Variants in ATP5PF observed in about 807,000 individuals in gnomAD.
ATP5PF encodes ATP synthase peripheral stalk subunit F6, mitochondrial.
A neutral mutation model predicts 12.0 loss-of-function variants in ATP5PF; 7 were observed. The observed-to-expected ratio is 0.58, with a 90% confidence interval of 0.33 to 1.10. The LOEUF (loss-of-function observed/expected upper bound fraction) is 1.10, where lower values mean the gene tolerates loss of function less well. Ranked by LOEUF, ATP5PF falls within the 50% of genes least tolerant of loss-of-function variation. The probability of loss-of-function intolerance (pLI) is 0.03; values close to 1 mark genes in which losing one functional copy is unlikely to be tolerated. For synonymous variants in ATP5PF, 41 were observed against 45.4 expected (o/e 0.90, Z 0.39); for missense variants, 120 against 127.7 (o/e 0.94, Z 0.29).
Position 25,734,868 on chromosome 21 carries a change from G to A in ATP5PF, c.-23C>T, listed in dbSNP as rs962643449. The stretch of plus-strand genomic sequence containing the variant: ...TCCCAGTCACCTTGCACTCAGTCCC[G>A]AGCTGCCAAAGCCTCCGCCGCCACC... On this transcript the variant is annotated 5_prime_UTR_variant, in exon 1 of 4. Coordinates refer to ENST00000284971, the MANE Select transcript of ATP5PF (RefSeq NM_001003703.2). 10 of 1,544,326 alleles carry A rather than the reference G, an allele frequency of 6.5e-6. 1 individual carries two copies. Among genetic ancestry groups the A allele is most frequent in the South Asian group, 3.6e-5 (3 of 84,156 alleles).
intron 1 of ATP5PF, among the ~76,000 whole-genome samples, chr21:25,730,073 C>G (rs1364981416): frequency 6.6e-6 from 1 of 152,152 alleles, no homozygotes; most frequent in Non-Finnish European, 1.5e-5. Flanking sequence ...GGTATTTCTT[C>G]CCCCTTGAAC....
chr21:25,726,822 T>C (rs951141683), intron 2 of ATP5PF, among the ~76,000 whole-genome samples: 1 of 152,160 alleles, frequency 6.6e-6, no homozygotes, highest in African/African-American at 2.4e-5. Context: ...CACATGAAAA[T>C]TCCTTCAAGG....
intron 1 of ATP5PF, among the ~76,000 whole-genome samples, chr21:25,730,728 C>T (rs2034741418): frequency 2.0e-5 from 1 of 50,204 alleles, no homozygotes; most frequent in African/African-American, 6.5e-5. Context: ...GAGCAAGACT[C>T]CGTCTCACAA....
intron 3 of ATP5PF, chr21:25,724,909 A>G: frequency 3.4e-6 from 2 of 588,352 alleles, no homozygotes; most frequent in East Asian, 3.1e-5. Flanking sequence ...AGAAGATACT[A>G]TAATTCTCCC....
rs2034565771 is a variant in ATP5PF, at chr21:25,724,527, C to G, written c.*113G>C. On this transcript the variant is annotated 3_prime_UTR_variant, in exon 4 of 4. Transcript: ENST00000284971. ...AACATCACCAAATAATTTATTTGGACTCAGAATTAAAAGAACATTTGACAG... is the reference window on the plus strand; with the variant it reads ...AACATCACCAAATAATTTATTTGGAGTCAGAATTAAAAGAACATTTGACAG... 5.0e-6 allele frequency: 6 copies of G among 1,210,056 alleles called. No homozygotes were observed. In the East Asian group the frequency reaches 1.2e-4, roughly 25 times the overall value. 75.0% of individuals were successfully genotyped at this position (1,210,056 alleles called of 1,614,324 possible).
chr21:25,724,757 C>A lies in ATP5PF; in HGVS notation c.290-80G>T. 6 of 1,416,822 alleles carry A rather than the reference C, an allele frequency of 4.2e-6. No individual in the cohort carries two copies. The East Asian group carries it at 7.3e-5, about 17-fold the overall frequency. The allele number at this position is 1,416,822 out of a possible 1,614,324, so 87.8% of individuals were successfully genotyped here. A position where few individuals can be genotyped will look rare whatever the true frequency, so the allele number is the denominator to read the frequency against. On this transcript the variant is annotated intron_variant, in intron 3 of 3. Coordinates refer to ENST00000284971, the MANE Select transcript of ATP5PF (RefSeq NM_001003703.2). ...TATGTAGAATGCTCAAGATTTAACT[C>A]ATCAATTTTCTGATTTTTTTAGTAA... is the stretch of plus-strand genomic sequence containing the variant.
chr21:25,734,205 C>T lies in ATP5PF; in HGVS notation c.-8+648G>A, dbSNP rs17001333. On this transcript the variant is annotated intron_variant, in intron 1 of 3. Transcript: ENST00000284971. ...TTCTCTATTCCAGTACCATCGGGTG[C>T]CACGAGAGCATATGATAGCGTCTGA... The T allele has an allele frequency of 2.8e-3, 1,361 of 493,034 alleles. 20 individuals carry two copies. Among genetic ancestry groups the T allele is most frequent in the African/African-American group, 0.025 (1,181 of 47,572 alleles). 30.5% of individuals were successfully genotyped at this position (493,034 alleles called of 1,614,324 possible). A position where few individuals can be genotyped will look rare whatever the true frequency, so the allele number is the denominator to read the frequency against.
rs1393961964 is a variant in ATP5PF, at chr21:25,729,665, CAA to C, written c.128_129del (p.Phe43CysfsTer5). The C allele has an allele frequency of 6.2e-7, 1 of 1,613,214 alleles. No homozygotes were observed. The highest frequency in any genetic ancestry group is 1.3e-5 in the African/African-American group (1 of 74,886). ...NKELDPIQKL[F>X]VDKIREYKSK... is the part of the protein sequence containing the mutation. ...GATTTGTATTCTCTAATCTTGTCCA[CAA>C]AGAGTTTCTGTATAGGATCAAGTTC... is the stretch of plus-strand genomic sequence containing the variant. On this transcript the variant is annotated frameshift_variant, in exon 2 of 4. Coordinates refer to ENST00000284971, the MANE Select transcript of ATP5PF (RefSeq NM_001003703.2). LOFTEE classifies it high-confidence loss of function.
intron 1 of ATP5PF, among the ~76,000 whole-genome samples, chr21:25,730,981 ATGTG>A: frequency 5.3e-5 from 8 of 152,146 alleles, no homozygotes; most frequent in African/African-American, 1.9e-4. Context: ...ACGGTGGCTC[ATGTG>A]TGTAATCCCA....
intron 1 of ATP5PF, 143 bp downstream of exon 1, chr21:25,734,710 A>AC: frequency 1.2e-6 from 1 of 808,094 alleles, no homozygotes; most frequent in Non-Finnish European, 1.9e-6. Context: ...GTCAGCTGTG[A>AC]CCCCGGGCCA....
At chr21:25,725,500 C>T (rs2034595102) in intron 2 of ATP5PF, 150 bp from the exon 3 acceptor site, 1 of 875,852 alleles carries the variant, frequency 1.1e-6, no homozygotes, top group Non-Finnish European at 1.6e-6. Context: ...AGTGCGGTAG[C>T]ATGATCTTGG....
intron 1 of ATP5PF, among the ~76,000 whole-genome samples, chr21:25,731,026 G>C (rs1198452571): frequency 6.6e-6 from 1 of 152,102 alleles, no homozygotes; most frequent in Non-Finnish European, 1.5e-5. Context: ...TGGATCACTT[G>C]AGGTCAGAGG....
chr21:25,725,183 A>G (rs775350357), intron 3 of ATP5PF, 43 bp downstream of exon 3: 1 of 1,575,644 alleles, frequency 6.3e-7, no homozygotes, highest in East Asian at 2.2e-5. Flanking sequence ...AATATTCTTC[A>G]CTTATCCCCC....
intron 1 of ATP5PF, among the ~76,000 whole-genome samples, chr21:25,730,114 T>A (rs183733972): frequency 3.3e-5 from 5 of 152,206 alleles, no homozygotes; most frequent in African/African-American, 1.2e-4. Context: ...ACAGTAGAGG[T>A]AGACTGTTGC....
intron 2 of ATP5PF, 64 bp downstream of exon 2, chr21:25,729,567 T>C (rs1372880456): frequency 1.1e-5 from 16 of 1,420,276 alleles, no homozygotes; most frequent in Non-Finnish European, 1.5e-5. Flanking sequence ...TCATTTTTAT[T>C]ACCACCTTGA....
chr21:25,734,988 C>G (rs530041558), upstream of ATP5PF: 1 of 1,556,392 alleles, frequency 6.4e-7, no homozygotes, highest in South Asian at 1.2e-5. Context: ...TCGACGCTCA[C>G]CGGACAGGAA....
In ATP5PF at chr21:25,729,717, A is replaced by T. The variant is rs1266353232; in HGVS notation, c.78T>A (p.Gly26=). Residue 26 remains glycine, a synonymous_variant, in exon 2 of 4, where the codon GGT becomes GGA. Coordinates refer to ENST00000284971, the MANE Select transcript of ATP5PF (RefSeq NM_001003703.2). ...CCTTATTAAATGCCACTGCTGTAAC[A>T]CCAATGTTCCTCCGCAAATGGACTG... ...AVSVHLRRNI[G]VTAVAFNKEL... 2 of 1,613,802 alleles carry T rather than the reference A, an allele frequency of 1.2e-6. No homozygotes were observed. Among genetic ancestry groups the T allele is most frequent in the South Asian group, 2.2e-5 (2 of 91,070 alleles).
chr21:25,732,979 C>T (rs1190246658), intron 1 of ATP5PF, among the ~76,000 whole-genome samples: 2 of 69,392 alleles, frequency 2.9e-5, no homozygotes, highest in East Asian at 8.6e-4. Context: ...GAGTGAAACT[C>T]TGTCTCAAAA....
chr21:25,726,707 G>A (rs1053775110), intron 2 of ATP5PF, among the ~76,000 whole-genome samples: 3 of 152,176 alleles, frequency 2.0e-5, no homozygotes, highest in African/African-American at 7.2e-5. Context: ...ACCAGCAGCA[G>A]GGCCAACTGG....
Sources: gnomAD v4.1 joint callset for allele counts (sites outside exome capture counted in the v4.1 genomes callset) on GRCh38, gnomAD v4.1.1 for gene constraint, MANE v1.5 for transcripts, NCBI Gene and HGNC (gene_info 2026-07-23, HGNC 2026-07-21) for gene names.